APBA2: variants seen among roughly 807,000 people sequenced by gnomAD.
APBA2 encodes amyloid beta precursor protein binding family A member 2.
APBA2 carries 30 observed loss-of-function variants against 75.0 expected under a neutral mutation model. The observed-to-expected ratio is 0.40, with a 90% CI of 0.30 to 0.54. The LOEUF (loss-of-function observed/expected upper bound fraction) is 0.54. APBA2 is among the 20% of genes least tolerant of loss of function. APBA2 has a pLI of 0.49. For synonymous variants in APBA2, 444 were observed against 409.6 expected (o/e 1.08, Z -1.01); for missense variants, 801 against 1,016.1 (o/e 0.79, Z 2.88).
At chr15:29,041,833 A>C (rs548006975) in intron 3 of APBA2, among the ~76,000 whole-genome samples, 1 of 152,336 alleles carries the variant, frequency 6.6e-6, no homozygotes, top group African/African-American at 2.4e-5. Flanking sequence ...CTGGTGAAAA[A>C]ATATTCCTGA....
intron 13 of APBA2, chr15:29,108,614 C>T: frequency 1.5e-6 from 1 of 646,790 alleles, no homozygotes; most frequent in Non-Finnish European, 2.6e-6. Flanking sequence ...TTGGGCCCCT[C>T]CAGCCTTTCC....
At chr15:29,105,698 C>T (rs2044368569) in intron 11 of APBA2, 140 bp downstream of exon 11, 5 of 863,298 alleles carry the variant, frequency 5.8e-6, no homozygotes, top group South Asian at 5.7e-5. Flanking sequence ...GAATGTGCAC[C>T]TCGCTCCTGC....
At chr15:28,917,877 G>A (rs1327683795) in intron 1 of APBA2, among the ~76,000 whole-genome samples, 2 of 152,152 alleles carry the variant, frequency 1.3e-5, no homozygotes, top group Non-Finnish European at 2.9e-5. Context: ...CAGGGGTACT[G>A]GGGGCCAGCT....
intron 14 of APBA2, among the ~76,000 whole-genome samples, chr15:29,116,430 T>G (rs1350177919): frequency 1.3e-5 from 2 of 151,838 alleles, no homozygotes; most frequent in African/African-American, 2.4e-5. Context: ...ATTGAGACCA[T>G]CCTGGCTAAC....
intron 6 of APBA2, among the ~76,000 whole-genome samples, chr15:29,092,564 G>A (rs899884125): frequency 1.3e-5 from 2 of 152,100 alleles, no homozygotes; most frequent in Non-Finnish European, 2.9e-5. Flanking sequence ...CAAGCATGAT[G>A]TTGCCAAGCC....
chr15:28,909,341 T>C (rs1006306834), intron 1 of APBA2, among the ~76,000 whole-genome samples: 5 of 152,180 alleles, frequency 3.3e-5, no homozygotes, highest in African/African-American at 9.7e-5. Flanking sequence ...AGGTGCCGCA[T>C]GTGAGTGGAA....
At chr15:29,031,083 T>A (rs1464851977) in intron 3 of APBA2, among the ~76,000 whole-genome samples, 1 of 152,208 alleles carries the variant, frequency 6.6e-6, no homozygotes, top group Non-Finnish European at 1.5e-5. Flanking sequence ...GCCTTCTTTT[T>A]ATTAGCACTT....
intron 2 of APBA2, among the ~76,000 whole-genome samples, chr15:28,926,626 T>A (rs1421941066): frequency 6.6e-6 from 1 of 152,194 alleles, no homozygotes; most frequent in African/African-American, 2.4e-5. Flanking sequence ...ATACCTCTTT[T>A]TTATGTAGAT....
intron 4 of APBA2, among the ~76,000 whole-genome samples, chr15:29,074,199 A>G (rs562240883): frequency 6.6e-6 from 1 of 152,344 alleles, no homozygotes; most frequent in East Asian, 1.9e-4. Context: ...ACCCACGTTC[A>G]TAGCAGCACC....
intron 2 of APBA2, among the ~76,000 whole-genome samples, chr15:28,931,242 A>G (rs140116854): frequency 1.4e-4 from 21 of 152,282 alleles, no homozygotes; most frequent in African/African-American, 5.1e-4. Context: ...CCTGGCCCTC[A>G]GGGCAGCAGG....
At chr15:29,061,586 G>T (rs1159804903) in intron 4 of APBA2, among the ~76,000 whole-genome samples, 1 of 152,252 alleles carries the variant, frequency 6.6e-6, no homozygotes, top group Non-Finnish European at 1.5e-5. Context: ...AAGCATGGTC[G>T]AGGGCCCCGA....
intron 1 of APBA2, among the ~76,000 whole-genome samples, chr15:28,906,194 T>TA (rs890712463): frequency 7.6e-4 from 115 of 152,294 alleles, no homozygotes; most frequent in African/African-American, 2.7e-3. Flanking sequence ...TATTCTTTTT[T>TA]AAAAAAAATT....
rs2041708430 is a variant in APBA2, at chr15:29,053,516, T to C, written c.-40-329T>C. Among the ~76,000 whole-genome samples the C allele has an allele frequency of 2.6e-5, 4 of 152,238 alleles. No individual in the cohort carries two copies. The South Asian group carries it at 8.3e-4, about 32-fold the overall frequency. On this transcript the variant is annotated intron_variant, in intron 3 of 14. Coordinates refer to ENST00000683413, the MANE Select transcript of APBA2 (RefSeq NM_001353788.2). Reference sequence around the variant, plus strand: ...AGCAAACAACCTGATCTTCTGACCATTTGTCTTGGTCACCTGGGCTACCCA... The same window carrying C: ...AGCAAACAACCTGATCTTCTGACCACTTGTCTTGGTCACCTGGGCTACCCA...
chr15:28,920,317 G>C (rs1250855300), intron 1 of APBA2, among the ~76,000 whole-genome samples: 1 of 152,256 alleles, frequency 6.6e-6, no homozygotes, highest in East Asian at 1.9e-4. Context: ...GTGAGGCACA[G>C]ATGGCACAGG....
At chr15:29,071,158 C>A in intron 4 of APBA2, 1 of 410,194 alleles carries the variant, frequency 2.4e-6, no homozygotes, top group South Asian at 1.7e-5. Flanking sequence ...TATTGCTGTA[C>A]TTTCAGTTTC....
intron 3 of APBA2, among the ~76,000 whole-genome samples, chr15:29,016,376 C>A (rs2039664580): frequency 6.6e-6 from 1 of 152,188 alleles, no homozygotes; most frequent in Admixed American, 6.5e-5. Context: ...GCATGCATGT[C>A]ACAAGGAAGC....
chr15:29,062,543 G>A (rs1157431299), intron 4 of APBA2, among the ~76,000 whole-genome samples: 4 of 152,210 alleles, frequency 2.6e-5, no homozygotes, highest in Admixed American at 2.6e-4. Flanking sequence ...GCCTTTTGAT[G>A]TTTTGATGAC....
intron 6 of APBA2, among the ~76,000 whole-genome samples, chr15:29,079,234 C>T (rs1282990140): frequency 6.6e-6 from 1 of 151,950 alleles, no homozygotes; most frequent in Non-Finnish European, 1.5e-5. Flanking sequence ...AGTTTTGTAC[C>T]CTTGCAGCTG....
intron 3 of APBA2, among the ~76,000 whole-genome samples, chr15:29,014,051 A>G (rs185255330): frequency 2.4e-4 from 36 of 152,364 alleles, no homozygotes; most frequent in African/African-American, 8.2e-4. Context: ...TGTGTCATCT[A>G]CAGTTCTGAA....
Sources: gnomAD v4.1 joint callset for allele counts (sites outside exome capture counted in the v4.1 genomes callset) on GRCh38, gnomAD v4.1.1 for gene constraint, MANE v1.5 for transcripts, NCBI Gene and HGNC (gene_info 2026-07-23, HGNC 2026-07-21) for gene names.